The following ZBTB20 variants were observed in gnomAD, a reference collection of about 807,000 sequenced individuals.
ZBTB20 encodes zinc finger and BTB domain-containing protein 20.
In ZBTB20, 9 loss-of-function variants were observed where a neutral mutation model predicts 56.9. The observed-to-expected ratio is 0.16, with a 90% CI of 0.10 to 0.28. The LOEUF (loss-of-function observed/expected upper bound fraction) is 0.28. Among genes scored for constraint, ZBTB20 ranks in the 10% least tolerant of loss-of-function variants. The pLI is 1.00. For synonymous variants in ZBTB20, 417 were observed against 420.7 expected, an observed-to-expected ratio of 0.99 and a Z score of 0.11; for missense variants, 655 against 1,003.0, an observed-to-expected ratio of 0.65 and a Z score of 4.69.
At chr3:114,689,600 C>T (rs1436744487) in intron 6 of ZBTB20, among the ~76,000 whole-genome samples, 3 of 151,778 alleles carry the variant, frequency 2.0e-5, no homozygotes, top group South Asian at 2.1e-4. Flanking sequence ...AAAAGGTGTA[C>T]GCGTACATAC....
At chr3:114,379,081 T>C (rs1313046991) in intron 10 of ZBTB20, 1 of 152,236 alleles carries the variant, frequency 6.6e-6, no homozygotes, top group Non-Finnish European at 1.5e-5. Flanking sequence ...ATGAAGCAAG[T>C]AGAGAATGGA....
At chr3:114,620,804 T>C (rs955142226) in intron 6 of ZBTB20, among the ~76,000 whole-genome samples, 1 of 152,156 alleles carries the variant, frequency 6.6e-6, no homozygotes, top group Non-Finnish European at 1.5e-5. Flanking sequence ...AAAGCATATA[T>C]AAATGCTAAA....
intron 6 of ZBTB20, among the ~76,000 whole-genome samples, chr3:114,671,364 T>C (rs996181013): frequency 2.0e-5 from 3 of 152,084 alleles, no homozygotes; most frequent in Admixed American, 2.0e-4. Context: ...AATCATAATT[T>C]TGTATTCTTT....
intron 3 of ZBTB20, among the ~76,000 whole-genome samples, chr3:114,960,293 A>T (rs762630617): frequency 3.9e-5 from 6 of 152,264 alleles, no homozygotes; most frequent in Non-Finnish European, 7.3e-5. Context: ...GAAAATGTGA[A>T]GTGGAAATGA....
At chr3:114,706,734 G>A (rs2063740776) in intron 5 of ZBTB20, among the ~76,000 whole-genome samples, 1 of 152,084 alleles carries the variant, frequency 6.6e-6, no homozygotes, top group Non-Finnish European at 1.5e-5. Flanking sequence ...AGCTCTTTGA[G>A]ATTATTCACT....
intron 6 of ZBTB20, among the ~76,000 whole-genome samples, chr3:114,543,850 C>G (rs1366313639): frequency 6.6e-6 from 1 of 152,106 alleles, no homozygotes; most frequent in African/African-American, 2.4e-5. Context: ...CTTTTGAAGT[C>G]TTTTTCTTCA....
intron 2 of ZBTB20, among the ~76,000 whole-genome samples, chr3:114,991,042 T>C (rs887861416): frequency 1.3e-5 from 2 of 152,146 alleles, no homozygotes; most frequent in Admixed American, 6.6e-5. Flanking sequence ...TTTGTTGATC[T>C]TTTCAAAAAA....
In ZBTB20 at chr3:114,884,138, G is replaced by C. The variant is rs9828239; in HGVS notation, c.-417+16166C>G. Among the ~76,000 whole-genome samples, 741 of 151,172 alleles carry C rather than the reference G, an allele frequency of 4.9e-3. 4 individuals carry two copies. The highest frequency in any genetic ancestry group is 0.017 in the African/African-American group (694 of 41,176). ...GACGGGGTTTCACCGTTTTAGCCGG[G>C]ATGGTGTCGATCTCCTGACCTCGTG... On this transcript the variant is annotated intron_variant, in intron 4 of 11. Transcript: ENST00000675478.
At chr3:114,997,128 T>C (rs937856903) in intron 2 of ZBTB20, among the ~76,000 whole-genome samples, 1 of 151,820 alleles carries the variant, frequency 6.6e-6, no homozygotes, top group Non-Finnish European at 1.5e-5. Flanking sequence ...TTGAGGCAAC[T>C]AGAGAGGTTT....
chr3:114,322,777 T>C lies in ZBTB20; in HGVS notation c.*16228A>G, dbSNP rs2078938888. The C allele has an allele frequency of 6.6e-6, 1 of 152,212 alleles. No homozygotes were observed. Among genetic ancestry groups the C allele is most frequent in the Non-Finnish European group, 1.5e-5 (1 of 68,032 alleles). The allele number at this position is 152,212 out of a possible 1,614,324, so 9.4% of individuals were successfully genotyped here. A position where few individuals can be genotyped will look rare whatever the true frequency, so the allele number is the denominator to read the frequency against. On this transcript the variant is annotated 3_prime_UTR_variant, in exon 12 of 12. Coordinates refer to ENST00000675478, the MANE Select transcript of ZBTB20 (RefSeq NM_001348800.3). ...AGTTTGGATGGCTCTAAATGGAGTTTTTCTGACTAACAAGGCTGACAACTT... is the reference window on the plus strand; with the variant it reads ...AGTTTGGATGGCTCTAAATGGAGTTCTTCTGACTAACAAGGCTGACAACTT...
chr3:114,802,498 AT>A (rs1375130755), intron 4 of ZBTB20, among the ~76,000 whole-genome samples: 15 of 151,884 alleles, frequency 9.9e-5, no homozygotes, highest in African/African-American at 3.4e-4. Context: ...AATCACTGAC[AT>A]TGACTAACTA....
intron 7 of ZBTB20, among the ~76,000 whole-genome samples, chr3:114,460,373 GATTAA>G (rs2092276790): frequency 6.6e-6 from 1 of 151,954 alleles, no homozygotes; most frequent in African/African-American, 2.4e-5. Context: ...TTGCAAATAT[GATTAA>G]ATTAAGGCTA....
intron 7 of ZBTB20, among the ~76,000 whole-genome samples, chr3:114,486,259 G>A (rs1029040937): frequency 2.0e-5 from 3 of 146,718 alleles, no homozygotes; most frequent in African/African-American, 7.4e-5. Flanking sequence ...TTGGGATGGA[G>A]TGGTAAACAC....
chr3:115,093,489 T>C (rs141130769), intron 1 of ZBTB20, among the ~76,000 whole-genome samples: 1 of 152,316 alleles, frequency 6.6e-6, no homozygotes, highest in East Asian at 1.9e-4. Flanking sequence ...AAAGCCATTA[T>C]GTGAAACAAC....
chr3:114,980,300 G>A (rs1037110346), intron 2 of ZBTB20, among the ~76,000 whole-genome samples: 1 of 151,830 alleles, frequency 6.6e-6, no homozygotes, highest in Non-Finnish European at 1.5e-5. Flanking sequence ...ATTATTAACA[G>A]GTAAACACAA....
chr3:114,815,705 A>C (rs147410200), intron 4 of ZBTB20, among the ~76,000 whole-genome samples: 1,624 of 152,216 alleles, frequency 0.011, 13 homozygotes, highest in Non-Finnish European at 0.018. Context: ...CAATCATGTC[A>C]TATGGAGATT....
intron 7 of ZBTB20, among the ~76,000 whole-genome samples, chr3:114,446,982 T>C (rs1425065583): frequency 1.3e-5 from 2 of 152,148 alleles, no homozygotes; most frequent in Non-Finnish European, 2.9e-5. Context: ...ACAGTGTACA[T>C]ATATTTCTCC....
chr3:114,519,843 TA>T (rs538940670), intron 6 of ZBTB20: 1 of 152,160 alleles, frequency 6.6e-6, no homozygotes, highest in South Asian at 2.1e-4. Flanking sequence ...ACTACTGCTA[TA>T]AAACTACATA....
At chr3:114,971,320 T>C (rs1371014875) in intron 3 of ZBTB20, among the ~76,000 whole-genome samples, 1 of 152,188 alleles carries the variant, frequency 6.6e-6, no homozygotes, top group Non-Finnish European at 1.5e-5. Context: ...GTGCCCTCAT[T>C]CCTAGGATCA....
Sources: gnomAD v4.1 joint callset for allele counts (sites outside exome capture counted in the v4.1 genomes callset) on GRCh38, gnomAD v4.1.1 for gene constraint, MANE v1.5 for transcripts, NCBI Gene and HGNC (gene_info 2026-07-23, HGNC 2026-07-21) for gene names.